The following ABCA13 variants were observed in gnomAD, a reference collection of about 807,000 sequenced individuals.
ABCA13 encodes ATP-binding cassette sub-family A member 13.
Under a neutral mutation model 478.7 loss-of-function variants are expected in ABCA13, and 476 were observed. The ratio of observed to expected loss-of-function variants is 0.99; its 90% confidence interval spans 0.92 to 1.07. The LOEUF (loss-of-function observed/expected upper bound fraction) is 1.07, where lower values mean the gene tolerates loss of function less well. Ranked by LOEUF, ABCA13 falls within the 50% of genes least tolerant of loss-of-function variation. The pLI, the probability that ABCA13 is intolerant of heterozygous loss-of-function variation, is 0.00. For missense variants in ABCA13, 6,060 were observed against 5,910.6 expected (o/e 1.03, Z -0.83); for synonymous variants, 2,252 against 2,158.9 (o/e 1.04, Z -1.20).
intron 59 of ABCA13, among the ~76,000 whole-genome samples, chr7:48,642,943 C>T (rs1384178411): frequency 6.6e-6 from 1 of 152,224 alleles, no homozygotes; most frequent in Non-Finnish European, 1.5e-5. Context: ...AGCAATCATG[C>T]TTCCCAGGGC....
chr7:48,210,371 G>C (rs1785476153), intron 3 of ABCA13, among the ~76,000 whole-genome samples: 1 of 152,116 alleles, frequency 6.6e-6, no homozygotes, highest in African/African-American at 2.4e-5. Flanking sequence ...TACAATTCAA[G>C]ATGAGATTTT....
chr7:48,518,916 G>C (rs2130961809), intron 52 of ABCA13, among the ~76,000 whole-genome samples: 1 of 152,114 alleles, frequency 6.6e-6, no homozygotes, highest in South Asian at 2.1e-4. Context: ...CATCACCTAG[G>C]TATTAAGCCC....
intron 15 of ABCA13, among the ~76,000 whole-genome samples, chr7:48,257,335 A>AG (rs1409313877): frequency 6.6e-6 from 1 of 152,028 alleles, no homozygotes; most frequent in African/African-American, 2.4e-5. Flanking sequence ...TTTCAGTATT[A>AG]TGGTGAATAG....
intron 1 of ABCA13, among the ~76,000 whole-genome samples, chr7:48,187,361 A>G (rs1796509105): frequency 6.7e-6 from 1 of 150,148 alleles, no homozygotes. Flanking sequence ...TAGTTTAACT[A>G]CAGCTTATTT....
At chr7:48,333,594 TC>T (rs749074747) in intron 27 of ABCA13, among the ~76,000 whole-genome samples, 20 of 152,316 alleles carry the variant, frequency 1.3e-4, no homozygotes, top group Non-Finnish European at 2.1e-4. Context: ...TTGTGGGTAG[TC>T]ATTCTACTTA....
Position 48,405,712 on chromosome 7 carries a change from CAG to C in ABCA13, c.12070+1835_12070+1836del, listed in dbSNP as rs1353568935. Among the ~76,000 whole-genome samples, 4 of 152,252 alleles carry C rather than the reference CAG, an allele frequency of 2.6e-5. No homozygotes were observed. The East Asian group carries it at 7.7e-4, about 29-fold the overall frequency. On this transcript the variant is annotated intron_variant, in intron 39 of 61. Coordinates refer to ENST00000435803, the MANE Select transcript of ABCA13 (RefSeq NM_152701.5). Reference sequence around the variant, plus strand: ...GCTGGAGTCTCAAAGGTTTAGCTGACAGAACATTTTTGTAATGAGCACAAAGG... The same window carrying C: ...GCTGGAGTCTCAAAGGTTTAGCTGACAACATTTTTGTAATGAGCACAAAGG...
Position 48,511,211 on chromosome 7 carries a change from G to T in ABCA13, c.13640+12G>T. 2 of 1,595,486 alleles carry T rather than the reference G, an allele frequency of 1.3e-6. No homozygotes were observed. The highest frequency in any genetic ancestry group is 1.7e-6 in the Non-Finnish European group (2 of 1,167,510). ...CTGTCACTTTTCGGGTATGTGATGA[G>T]AAACGCTGCTGCAGAATTACGGTTT... On this transcript the variant is annotated intron_variant, in intron 51 of 61. Coordinates refer to ENST00000435803, the MANE Select transcript of ABCA13 (RefSeq NM_152701.5).
At chr7:48,503,048 A>T (rs1391629472) in intron 48 of ABCA13, among the ~76,000 whole-genome samples, 1 of 152,168 alleles carries the variant, frequency 6.6e-6, no homozygotes, top group Non-Finnish European at 1.5e-5. Context: ...CATGCTATAC[A>T]TTAGGTCTCC....
chr7:48,384,449 G>A (rs911519422), intron 35 of ABCA13, among the ~76,000 whole-genome samples: 1 of 152,216 alleles, frequency 6.6e-6, no homozygotes, highest in Non-Finnish European at 1.5e-5. Flanking sequence ...CATCAGCTGC[G>A]CGTCACTGGG....
chr7:48,379,541 G>A (rs139810737), intron 35 of ABCA13, among the ~76,000 whole-genome samples: 43 of 151,510 alleles, frequency 2.8e-4, no homozygotes, highest in Admixed American at 1.6e-3. Context: ...TGAATGCATC[G>A]GAACACAGAA....
intron 26 of ABCA13, among the ~76,000 whole-genome samples, chr7:48,314,668 GCCCCATT>G (rs1044369696): frequency 2.0e-5 from 3 of 152,096 alleles, no homozygotes; most frequent in Non-Finnish European, 4.4e-5. Context: ...TGAAACCCCA[GCCCCATT>G]GGTTTCCCAG....
chr7:48,511,024 T>G, intron 50 of ABCA13, 60 bp from the exon 51 acceptor site: 1 of 1,330,578 alleles, frequency 7.5e-7, no homozygotes, highest in Non-Finnish European at 1.1e-6. Flanking sequence ...GATAAGTAGA[T>G]GATAATAAAT....
intron 42 of ABCA13, among the ~76,000 whole-genome samples, chr7:48,429,366 C>T (rs1821840872): frequency 1.3e-5 from 2 of 152,178 alleles, no homozygotes; most frequent in African/African-American, 4.8e-5. Context: ...CTAAAGTGAT[C>T]ACACCTTACA....
At chr7:48,469,710 G>A (rs1344246786) in intron 44 of ABCA13, among the ~76,000 whole-genome samples, 1 of 152,090 alleles carries the variant, frequency 6.6e-6, no homozygotes, top group Non-Finnish European at 1.5e-5. Flanking sequence ...CACGAGGTCA[G>A]GAGTTTGAGA....
At chr7:48,409,196 C>T (rs1350960778) in intron 39 of ABCA13, among the ~76,000 whole-genome samples, 4 of 152,120 alleles carry the variant, frequency 2.6e-5, no homozygotes, top group Non-Finnish European at 4.4e-5. Context: ...TTTAATAAAA[C>T]GGAACAGGTT....
intron 3 of ABCA13, 145 bp from the exon 4 acceptor site, chr7:48,219,209 T>G (rs1786965020): frequency 1.4e-6 from 1 of 713,892 alleles, no homozygotes; most frequent in African/African-American, 1.9e-5. Context: ...GAGGGTCAGG[T>G]GAAATGGGCT....
Position 48,277,234 on chromosome 7 carries a change from A to G in ABCA13, c.6899+669A>G, listed in dbSNP as rs146756078. 1.0e-3 allele frequency among the ~76,000 whole-genome samples: 152 copies of G among 152,306 alleles called. 1 individual carries two copies. The highest frequency in any genetic ancestry group is 3.3e-3 in the African/African-American group (139 of 41,576). Reference sequence around the variant, plus strand: ...CTGACTGTCAGGAAGGGAGGCCCACAGTAGGCAGGGGCGCCCACAGCAGGC... The same window carrying G: ...CTGACTGTCAGGAAGGGAGGCCCACGGTAGGCAGGGGCGCCCACAGCAGGC... On this transcript the variant is annotated intron_variant, in intron 17 of 61. Transcript: ENST00000435803.
intron 42 of ABCA13, among the ~76,000 whole-genome samples, chr7:48,430,552 G>C (rs1004980386): frequency 6.6e-6 from 1 of 151,792 alleles, no homozygotes; most frequent in Non-Finnish European, 1.5e-5. Context: ...GCAGGTGCCT[G>C]TAATCCCAAT....
chr7:48,564,284 A>C (rs1398648324), intron 55 of ABCA13, among the ~76,000 whole-genome samples: 1 of 150,468 alleles, frequency 6.6e-6, no homozygotes, highest in Non-Finnish European at 1.5e-5. Flanking sequence ...TTTTTTTTTG[A>C]GGTAAAATAC....
Sources: gnomAD v4.1 joint callset for allele counts (sites outside exome capture counted in the v4.1 genomes callset) on GRCh38, gnomAD v4.1.1 for gene constraint, MANE v1.5 for transcripts, NCBI Gene and HGNC (gene_info 2026-07-23, HGNC 2026-07-21) for gene names.